The following RORA variants were observed in gnomAD, a reference collection of about 807,000 sequenced individuals.
RORA encodes nuclear receptor ROR-alpha.
Under a neutral mutation model 69.5 loss-of-function variants are expected in RORA, and 7 were observed. The ratio of observed to expected loss-of-function variants is 0.10; its 90% CI spans 0.06 to 0.19. The LOEUF is 0.19. RORA is among the 10% of genes least tolerant of loss of function. RORA has a pLI of 1.00. For synonymous variants in RORA, 261 were observed against 240.8 expected, an observed-to-expected ratio of 1.08 and a Z score of -0.78; for missense variants, 457 against 663.0, an observed-to-expected ratio of 0.69 and a Z score of 3.41.
intron 1 of RORA, among the ~76,000 whole-genome samples, chr15:60,688,935 G>T (rs770307387): frequency 2.6e-5 from 4 of 152,158 alleles, no homozygotes; most frequent in Non-Finnish European, 4.4e-5. Flanking sequence ...TGCAGTACAG[G>T]TGCTACCTCA....
At chr15:60,625,555 T>A (rs951300481) in intron 2 of RORA, among the ~76,000 whole-genome samples, 1 of 152,202 alleles carries the variant, frequency 6.6e-6, no homozygotes, top group Non-Finnish European at 1.5e-5. Flanking sequence ...GAAAACAAAT[T>A]AAAAATTTAT....
At chr15:60,505,844 C>T (rs1424892797) in intron 5 of RORA, among the ~76,000 whole-genome samples, 1 of 152,092 alleles carries the variant, frequency 6.6e-6, no homozygotes, top group South Asian at 2.1e-4. Flanking sequence ...GAAGATAAGA[C>T]CTGCTGACTT....
At chr15:60,738,282 G>C (rs2071528998) in intron 1 of RORA, among the ~76,000 whole-genome samples, 1 of 152,206 alleles carries the variant, frequency 6.6e-6, no homozygotes, top group East Asian at 1.9e-4. Flanking sequence ...ATATGCCAGA[G>C]GTAAGAAGAA....
chr15:61,007,780 T>C (rs1010740017), intron 1 of RORA, among the ~76,000 whole-genome samples: 7 of 147,764 alleles, frequency 4.7e-5, no homozygotes, highest in African/African-American at 1.7e-4. Context: ...CATTAGGCTG[T>C]TATATATTTA....
chr15:60,831,524 C>T (rs117253422), intron 1 of RORA, among the ~76,000 whole-genome samples: 1 of 152,262 alleles, frequency 6.6e-6, no homozygotes, highest in East Asian at 1.9e-4. Flanking sequence ...GAGGCAGGTC[C>T]TTACATTTGC....
intron 2 of RORA, chr15:60,600,981 T>C (rs912583932): frequency 2.6e-5 from 4 of 152,152 alleles, no homozygotes; most frequent in Non-Finnish European, 5.9e-5. Context: ...ATGAGGAAAC[T>C]GGGGCACAGA....
intron 1 of RORA, among the ~76,000 whole-genome samples, chr15:60,855,512 G>A (rs1227420859): frequency 1.3e-5 from 2 of 152,222 alleles, no homozygotes; most frequent in African/African-American, 2.4e-5. Flanking sequence ...CAGTGTCTGA[G>A]TTTACTCTGC....
At chr15:60,917,328 G>C (rs1891905746) in intron 1 of RORA, among the ~76,000 whole-genome samples, 1 of 152,130 alleles carries the variant, frequency 6.6e-6, no homozygotes, top group Non-Finnish European at 1.5e-5. Flanking sequence ...TTGTTACTAT[G>C]GTTACAAGTT....
chr15:60,700,616 A>C lies in RORA; in HGVS notation c.167-21930T>G, dbSNP rs113374230. ...TTCACTGGTGTATTTCATCAGCAAT[A>C]AACGTTTCCCCAACAAAATGCTGTA... On this transcript the variant is annotated intron_variant, in intron 1 of 10. Coordinates refer to ENST00000335670, the MANE Select transcript of RORA (RefSeq NM_134261.3). Among the ~76,000 whole-genome samples the C allele has an allele frequency of 4.0e-3, 616 of 152,312 alleles. 5 individuals are homozygous for C. The highest frequency in any genetic ancestry group is 0.014 in the African/African-American group (570 of 41,552).
chr15:60,826,138 C>A (rs1039984943), intron 1 of RORA, among the ~76,000 whole-genome samples: 1 of 152,132 alleles, frequency 6.6e-6, no homozygotes, highest in African/African-American at 2.4e-5. Context: ...GGAGTGGATC[C>A]CAGTCTACCC....
intron 2 of RORA, among the ~76,000 whole-genome samples, chr15:60,657,297 T>C (rs1272522272): frequency 6.6e-6 from 1 of 152,124 alleles, no homozygotes; most frequent in Admixed American, 6.6e-5. Context: ...TGCATCTTGG[T>C]GGGTCTAACT....
intron 3 of RORA, among the ~76,000 whole-genome samples, chr15:60,515,923 A>ATT (rs1184742312): frequency 1.9e-5 from 1 of 52,928 alleles, no homozygotes; most frequent in African/African-American, 1.1e-4. Flanking sequence ...ATTTATATAT[A>ATT]TATTTATATA....
chr15:60,884,960 A>C (rs1182758389), intron 1 of RORA, among the ~76,000 whole-genome samples: 1 of 152,242 alleles, frequency 6.6e-6, no homozygotes, highest in Non-Finnish European at 1.5e-5. Flanking sequence ...ACAGGCCCCC[A>C]AAACAAATGT....
chr15:60,791,221 T>C (rs1429119625), intron 1 of RORA, among the ~76,000 whole-genome samples: 1 of 152,152 alleles, frequency 6.6e-6, no homozygotes, highest in Non-Finnish European at 1.5e-5. Context: ...ATCTCATCTG[T>C]GATATAGACT....
At chr15:61,049,903 C>A (rs1051809313) in intron 1 of RORA, among the ~76,000 whole-genome samples, 1 of 152,168 alleles carries the variant, frequency 6.6e-6, no homozygotes, top group Non-Finnish European at 1.5e-5. Context: ...TAGTGATCTG[C>A]CTGCCTCAGC....
intron 1 of RORA, among the ~76,000 whole-genome samples, chr15:60,775,146 G>C (rs111759615): frequency 5.7e-4 from 86 of 151,896 alleles, no homozygotes; most frequent in Non-Finnish European, 2.1e-4. Flanking sequence ...CTTGTGTCGG[G>C]CTTCCTGAAT....
intron 1 of RORA, among the ~76,000 whole-genome samples, chr15:60,692,428 C>T (rs943361231): frequency 6.6e-6 from 1 of 152,152 alleles, no homozygotes; most frequent in African/African-American, 2.4e-5. Flanking sequence ...AATGAGTTCA[C>T]GCTACATAGC....
chr15:60,557,070 CTAATT>C (rs1369207925), intron 2 of RORA: 6 of 640,796 alleles, frequency 9.4e-6, no homozygotes, highest in Non-Finnish European at 1.4e-5. Flanking sequence ...CTCCCACTGT[CTAATT>C]TAATCCCACT....
At chr15:60,980,984 A>G (rs1044718936) in intron 1 of RORA, among the ~76,000 whole-genome samples, 7 of 151,838 alleles carry the variant, frequency 4.6e-5, no homozygotes, top group African/African-American at 1.7e-4. Flanking sequence ...TTTTTTATGT[A>G]GGTCAGGTGT....
Sources: allele counts gnomAD v4.1 joint callset (sites outside exome capture counted in the v4.1 genomes callset), GRCh38; gene constraint gnomAD v4.1.1; transcripts MANE v1.5; gene names NCBI Gene and HGNC (gene_info 2026-07-23, HGNC 2026-07-21).